IQCH: variants seen among roughly 807,000 people sequenced by gnomAD.
IQCH encodes the protein IQ motif containing H.
IQCH carries 98 observed loss-of-function variants against 117.0 expected under a neutral mutation model. That is an observed-to-expected ratio of 0.84 (90% confidence interval 0.71 to 0.99). IQCH has a LOEUF of 0.99. Among genes scored for constraint, IQCH ranks in the 50% least tolerant of loss-of-function variants. The probability of loss-of-function intolerance (pLI) is 0.00; values close to 1 mark genes in which losing one functional copy is unlikely to be tolerated. For synonymous variants in IQCH, 412 were observed against 448.2 expected, an observed-to-expected ratio of 0.92 and a Z score of 1.02; for missense variants, 1,102 against 1,243.8, an observed-to-expected ratio of 0.89 and a Z score of 1.72.
chr15:67,481,944 T>A lies in IQCH; in HGVS notation c.2799+6126T>A, dbSNP rs1338713678. ...GTGGGTGAGAAAGTTTTAAAATTGCTAAGGATGGCTTGTGCCTGTAATCCT... is the reference window on the plus strand; with the variant it reads ...GTGGGTGAGAAAGTTTTAAAATTGCAAAGGATGGCTTGTGCCTGTAATCCT... On this transcript the variant is annotated intron_variant, in intron 18 of 20. Coordinates refer to ENST00000335894, the MANE Select transcript of IQCH (RefSeq NM_001031715.3). This position sits in a 1 kb window ranked among gnomAD's most constrained non-coding sequence, Gnocchi z 4.1. Among the ~76,000 whole-genome samples the A allele has an allele frequency of 6.6e-6, 1 of 152,184 alleles. No individual in the cohort carries two copies. Among genetic ancestry groups the A allele is most frequent in the Non-Finnish European group, 1.5e-5 (1 of 68,030 alleles).
Position 67,372,049 on chromosome 15 carries a change from C to T in IQCH, c.754-62C>T, listed in dbSNP as rs938853821. The T allele has an allele frequency of 3.7e-6, 5 of 1,363,656 alleles. No homozygotes were observed. The African/African-American group carries it at 4.4e-5, about 12-fold the overall frequency. The allele number at this position is 1,363,656 out of a possible 1,614,324, so 84.5% of individuals were successfully genotyped here. A position where few individuals can be genotyped will look rare whatever the true frequency, so the allele number is the denominator to read the frequency against. ...ATGATAATGTAGTGTGTGTCTTGAC[C>T]ACTCATTTAAAGGAGATCATAATAT... On this transcript the variant is annotated intron_variant, in intron 8 of 20. Transcript: ENST00000335894.
intron 8 of IQCH, among the ~76,000 whole-genome samples, chr15:67,360,386 A>G (rs1970083923): frequency 6.6e-6 from 1 of 152,232 alleles, no homozygotes; most frequent in South Asian, 2.1e-4. Context: ...AACATTGGAA[A>G]AATGAAATAG....
At position 67,466,238 on chromosome 15, in the gene IQCH, T is replaced by C. The variant is rs1431835521; in HGVS notation, c.2676+941T>C. 2.0e-5 allele frequency among the ~76,000 whole-genome samples: 3 copies of C among 152,086 alleles called. No individual in the cohort carries two copies. The highest frequency in any genetic ancestry group is 6.6e-5 in the Admixed American group (1 of 15,262). ...CCCCATGGGGACAGTGGGTGCTTGA[T>C]TGAGTAGGCTAGGTTGGTCATGGAG... On this transcript the variant is annotated intron_variant, in intron 17 of 20. Coordinates refer to ENST00000335894, the MANE Select transcript of IQCH (RefSeq NM_001031715.3). This position sits in a 1 kb window ranked among gnomAD's most constrained non-coding sequence, Gnocchi z 4.4.
At position 67,365,064 on chromosome 15, in the gene IQCH, C is replaced by G. The variant is rs974835248; in HGVS notation, c.753+5179C>G. Among the ~76,000 whole-genome samples, 2 of 152,312 alleles carry G rather than the reference C, an allele frequency of 1.3e-5. No homozygotes were observed. The highest frequency in any genetic ancestry group is 2.4e-5 in the African/African-American group (1 of 41,562). ...TCAAGCAGTCCTCCCACCTCACAGT[C>G]CTGAGTAGCTGGGACTACAGGCATA... On this transcript the variant is annotated intron_variant, in intron 8 of 20. Coordinates refer to ENST00000335894, the MANE Select transcript of IQCH (RefSeq NM_001031715.3). This position sits in a 1 kb window ranked among gnomAD's most constrained non-coding sequence, Gnocchi z 4.4.
In IQCH at chr15:67,491,117, T is replaced by G. The variant is rs369922372; in HGVS notation, c.2861+1053T>G. Among the ~76,000 whole-genome samples, 10 of 152,302 alleles carry G rather than the reference T, an allele frequency of 6.6e-5. No individual in the cohort carries two copies. Among genetic ancestry groups the G allele is most frequent in the African/African-American group, 2.2e-4 (9 of 41,582 alleles). On this transcript the variant is annotated intron_variant, in intron 19 of 20. Coordinates refer to ENST00000335894, the MANE Select transcript of IQCH (RefSeq NM_001031715.3). This position sits in a 1 kb window ranked among gnomAD's most constrained non-coding sequence, Gnocchi z 4.9. ...ACACAGAAACATATACACAAAGATC[T>G]GGTCTCATAAAAACTAACCAAATAA...
At position 67,307,707 on chromosome 15, in the gene IQCH, T is replaced by G. The variant is rs545491228; in HGVS notation, c.387+28195T>G. ...TTATAAACCATAACAAGAAGCAGAG[T>G]GAATTAATAAACCTTTCTTGTCACT... On this transcript the variant is annotated intron_variant, in intron 4 of 20. Coordinates refer to ENST00000335894, the MANE Select transcript of IQCH (RefSeq NM_001031715.3). Among the ~76,000 whole-genome samples the G allele has an allele frequency of 3.3e-5, 5 of 152,122 alleles. No homozygotes were observed. The East Asian group carries it at 7.7e-4, about 24-fold the overall frequency.
In IQCH at chr15:67,458,710, C is replaced by T. The variant is rs1328037038; in HGVS notation, c.2506-6417C>T. ...CAACCAGAGGAGCTGGGCAGGTGAC[C>T]GAGCACTTGGTCTTACTCTAGAAAA... On this transcript the variant is annotated intron_variant, in intron 16 of 20. Transcript: ENST00000335894. This position sits in a 1 kb window ranked among gnomAD's most constrained non-coding sequence, Gnocchi z 4.1. 3.3e-5 allele frequency among the ~76,000 whole-genome samples: 5 copies of T among 152,312 alleles called. No homozygotes were observed. Among genetic ancestry groups the T allele is most frequent in the East Asian group, 3.9e-4 (2 of 5,186 alleles).
intron 8 of IQCH, among the ~76,000 whole-genome samples, chr15:67,363,403 ATTT>A (rs879553259): frequency 7.0e-6 from 1 of 142,910 alleles, no homozygotes; most frequent in Non-Finnish European, 1.5e-5. Flanking sequence ...ACCCAGCTAA[ATTT>A]TTTTTTTTTT....
chr15:67,400,074 A>G (rs1971593062), intron 13 of IQCH, 40 bp from the exon 14 acceptor site: 1 of 1,544,012 alleles, frequency 6.5e-7, no homozygotes, highest in East Asian at 2.3e-5. Context: ...ATCCCAGGAA[A>G]TGAACTGTAT....
chr15:67,280,447 T>C (rs1182857901), intron 4 of IQCH, among the ~76,000 whole-genome samples: 1 of 152,232 alleles, frequency 6.6e-6, no homozygotes, highest in Non-Finnish European at 1.5e-5. Flanking sequence ...AAGGTCAAGG[T>C]GCCGGCAGAT....
intron 16 of IQCH, among the ~76,000 whole-genome samples, chr15:67,435,789 T>A (rs1419575947): frequency 2.6e-5 from 4 of 151,862 alleles, no homozygotes. Context: ...CGAGAATCTC[T>A]TGAACCCAGG....
rs1157859910 is a variant in IQCH at position 67,475,177 on chromosome 15, A to C, written c.2677-519A>C. Among the ~76,000 whole-genome samples the C allele has an allele frequency of 6.6e-6, 1 of 152,232 alleles. No homozygotes were observed. The highest frequency in any genetic ancestry group is 2.4e-5 in the African/African-American group (1 of 41,466). On this transcript the variant is annotated intron_variant, in intron 17 of 20. Transcript: ENST00000335894. This position sits in a 1 kb window ranked among gnomAD's most constrained non-coding sequence, Gnocchi z 5.7. ...TGAAATAGAAATAAAGTATGGATTT[A>C]TGTTAATAGTAATGTAGGGCCAGGT...
chr15:67,379,296 T>G (rs1019273152), intron 10 of IQCH, among the ~76,000 whole-genome samples: 1 of 152,228 alleles, frequency 6.6e-6, no homozygotes, highest in Non-Finnish European at 1.5e-5. Flanking sequence ...GTGTATATTC[T>G]TCTTTGACTT....
rs144657546 is a variant in IQCH at position 67,303,142 on chromosome 15, G to A, written c.387+23630G>A. 4.9e-3 allele frequency among the ~76,000 whole-genome samples: 748 copies of A among 152,246 alleles called. 5 individuals are homozygous for A. Among genetic ancestry groups the A allele is most frequent in the African/African-American group, 0.016 (669 of 41,542 alleles). ...AAGACACTTAATTGAAAGGAAAACA[G>A]TTAGGTTGCTCACAATACTTCTAAC... On this transcript the variant is annotated intron_variant, in intron 4 of 20. Transcript: ENST00000335894.
At chr15:67,437,804 G>A (rs1286154974) in intron 16 of IQCH, among the ~76,000 whole-genome samples, 7 of 152,116 alleles carry the variant, frequency 4.6e-5, no homozygotes. Flanking sequence ...GAAATTCAGA[G>A]CTTGAAGACA....
chr15:67,300,776 T>A (rs1380312494), intron 4 of IQCH, among the ~76,000 whole-genome samples: 3 of 152,188 alleles, frequency 2.0e-5, no homozygotes, highest in African/African-American at 7.2e-5. Context: ...CTGCCTAGTG[T>A]TTTTAATTCA....
chr15:67,267,180 T>G (rs1365808397), intron 3 of IQCH, among the ~76,000 whole-genome samples: 2 of 152,200 alleles, frequency 1.3e-5, no homozygotes, highest in Non-Finnish European at 2.9e-5. Context: ...GAGTAATTTC[T>G]TATTTATTTC....
At chr15:67,279,318 G>A (rs906521338) in intron 3 of IQCH, 77 bp from the exon 4 acceptor site, 8 of 721,222 alleles carry the variant, frequency 1.1e-5, no homozygotes, top group African/African-American at 3.6e-5. Flanking sequence ...TAATTAGGAA[G>A]CATTGTTTTA....
intron 4 of IQCH, among the ~76,000 whole-genome samples, chr15:67,300,206 GTAT>G (rs1966955420): frequency 6.6e-6 from 1 of 152,074 alleles, no homozygotes; most frequent in Non-Finnish European, 1.5e-5. Flanking sequence ...GGGGAAGGGA[GTAT>G]TATTAAGAAC....
Sources: gnomAD v4.1 joint callset for allele counts (sites outside exome capture counted in the v4.1 genomes callset) on GRCh38, gnomAD v4.1.1 for gene constraint, Gnocchi (gnomAD v3.1) non-coding constraint, MANE v1.5 for transcripts, NCBI Gene and HGNC (gene_info 2026-07-23, HGNC 2026-07-21) for gene names.